The following PPP1R13B variants were observed in gnomAD, a reference collection of about 807,000 sequenced individuals.
The protein encoded by PPP1R13B is protein phosphatase 1 regulatory subunit 13B.
A neutral mutation model predicts 119.8 loss-of-function variants in PPP1R13B; 44 were observed. The ratio of observed to expected loss-of-function variants is 0.37; its 90% CI spans 0.29 to 0.47. The LOEUF is 0.47. PPP1R13B is among the 20% of genes least tolerant of loss of function. The pLI, the probability that PPP1R13B is intolerant of heterozygous loss-of-function variation, is 0.99. For missense variants in PPP1R13B, 1,227 were observed against 1,413.5 expected, an observed-to-expected ratio of 0.87 and a Z score of 2.12; for synonymous variants, 542 against 561.5, an observed-to-expected ratio of 0.97 and a Z score of 0.49.
intron 1 of PPP1R13B, among the ~76,000 whole-genome samples, chr14:103,831,538 T>C (rs1255656705): frequency 6.6e-6 from 1 of 150,590 alleles, no homozygotes; most frequent in African/African-American, 2.4e-5. Flanking sequence ...CTCTAACTCC[T>C]GACCTCAAGT....
intron 2 of PPP1R13B, among the ~76,000 whole-genome samples, chr14:103,796,359 T>C (rs576573940): frequency 2.6e-5 from 4 of 152,208 alleles, no homozygotes; most frequent in Admixed American, 1.3e-4. Flanking sequence ...ATGGCCAATA[T>C]ACACATGAAA....
chr14:103,804,103 T>C (rs1032081806), intron 1 of PPP1R13B: 2 of 977,008 alleles, frequency 2.0e-6, no homozygotes, highest in African/African-American at 3.5e-5. Flanking sequence ...TTTTTTTCAT[T>C]CAAAAAAGTT....
intron 6 of PPP1R13B, among the ~76,000 whole-genome samples, chr14:103,753,745 G>C (rs891593264): frequency 6.6e-5 from 10 of 152,150 alleles, no homozygotes; most frequent in African/African-American, 9.7e-5. Context: ...AGGGCCGCAA[G>C]AGATCTTTTT....
chr14:103,739,755 A>G (rs889135435), intron 12 of PPP1R13B, 69 bp downstream of exon 12: 1 of 1,479,262 alleles, frequency 6.8e-7, no homozygotes, highest in Non-Finnish European at 9.0e-7. Context: ...GACCAAGGGA[A>G]GGACCCCAGA....
At chr14:103,736,424 C>A in intron 15 of PPP1R13B, 1 of 595,884 alleles carries the variant, frequency 1.7e-6, no homozygotes, top group Non-Finnish European at 3.0e-6. Flanking sequence ...TTTCTAAGTC[C>A]TGCAGGACAG....
intron 7 of PPP1R13B, among the ~76,000 whole-genome samples, 178 bp downstream of exon 7, chr14:103,752,822 C>T (rs540536677): frequency 6.6e-6 from 1 of 152,216 alleles, no homozygotes; most frequent in East Asian, 1.9e-4. Context: ...CGTGAGCTAC[C>T]GCACCCGGCC....
chr14:103,776,851 G>A (rs1398994039), intron 4 of PPP1R13B, among the ~76,000 whole-genome samples: 2 of 148,862 alleles, frequency 1.3e-5, no homozygotes, highest in Non-Finnish European at 3.0e-5. Flanking sequence ...CAGCCTGGGC[G>A]ACAGAGTGAG....
intron 4 of PPP1R13B, among the ~76,000 whole-genome samples, chr14:103,761,700 T>C (rs1198682579): frequency 6.6e-6 from 1 of 151,028 alleles, no homozygotes; most frequent in Non-Finnish European, 1.5e-5. Context: ...GAGGCGGAAG[T>C]TGCAGTGAGC....
chr14:103,792,387 A>G (rs1477142001), intron 2 of PPP1R13B, among the ~76,000 whole-genome samples: 2 of 152,124 alleles, frequency 1.3e-5, no homozygotes, highest in Non-Finnish European at 2.9e-5. Flanking sequence ...CACATTGCCA[A>G]GGTTGGTCTC....
At chr14:103,832,961 G>A (rs1394824396) in intron 1 of PPP1R13B, among the ~76,000 whole-genome samples, 1 of 151,538 alleles carries the variant, frequency 6.6e-6, no homozygotes, top group Non-Finnish European at 1.5e-5. Context: ...CAGCCTAGGT[G>A]ACAGAGCGAG....
Position 103,741,991 on chromosome 14 carries a change from C to T in PPP1R13B, c.1621G>A (p.Gly541Arg). The T allele has an allele frequency of 6.2e-7, 1 of 1,614,268 alleles. No individual in the cohort carries two copies. The highest frequency in any genetic ancestry group is 8.5e-7 in the Non-Finnish European group (1 of 1,180,056). ...AGTGGGAGTTCAGGCTTGCTGTCCCCAGCTGGAAATGCAGGTGGTCCCGCT... is the reference window on the plus strand; with the variant it reads ...AGTGGGAGTTCAGGCTTGCTGTCCCTAGCTGGAAATGCAGGTGGTCCCGCT... ...PPAGPPAFPA[G>R]DSKPELPLTV... Residue 541 changes from glycine (G) to arginine (R), a missense_variant, in exon 11 of 17, where the codon GGG (glycine) becomes AGG (arginine). Gly to Arg is a moderately radical substitution (Grantham distance 125). Transcript: ENST00000202556.
intron 12 of PPP1R13B, 76 bp downstream of exon 12, chr14:103,739,748 C>G: frequency 6.8e-7 from 1 of 1,464,556 alleles, no homozygotes. Flanking sequence ...ACAGCCTGAC[C>G]AAGGGAAGGA....
intron 2 of PPP1R13B, among the ~76,000 whole-genome samples, chr14:103,795,766 A>C (rs1471801245): frequency 6.6e-6 from 1 of 152,214 alleles, no homozygotes; most frequent in African/African-American, 2.4e-5. Flanking sequence ...AGCTGTCATT[A>C]GGCTAACAAT....
chr14:103,738,239 AC>A lies in PPP1R13B; in HGVS notation c.2865-380del. 3.6e-6 allele frequency: 1 copy of A among 276,162 alleles called. No homozygotes were observed. 17.1% of individuals were successfully genotyped at this position (276,162 alleles called of 1,614,324 possible). ...GTCAGCTGTCTGAAAGTTCAAAATAACCCCCACAGGAGACCAACACGCCTCG... is the reference window on the plus strand; with the variant it reads ...GTCAGCTGTCTGAAAGTTCAAAATAACCCCACAGGAGACCAACACGCCTCG... On this transcript the variant is annotated intron_variant, in intron 14 of 16. Transcript: ENST00000202556. This position sits in a 1 kb window ranked among gnomAD's most constrained non-coding sequence, Gnocchi z 5.6.
chr14:103,772,735 C>T (rs561093387), intron 4 of PPP1R13B, among the ~76,000 whole-genome samples: 7 of 150,998 alleles, frequency 4.6e-5, no homozygotes, highest in Admixed American at 2.0e-4. Flanking sequence ...TGCAGTGGCG[C>T]GATCTCAGCT....
intron 1 of PPP1R13B, among the ~76,000 whole-genome samples, chr14:103,844,591 G>A (rs1044269074): frequency 1.3e-5 from 2 of 151,958 alleles, no homozygotes; most frequent in Admixed American, 1.3e-4. Context: ...TAGCCAGGCA[G>A]GATGGAGGGT....
At chr14:103,793,690 A>C (rs887398827) in intron 2 of PPP1R13B, among the ~76,000 whole-genome samples, 1 of 151,922 alleles carries the variant, frequency 6.6e-6, no homozygotes, top group Non-Finnish European at 1.5e-5. Context: ...GGAACTTTAA[A>C]TAAGGTTAAA....
chr14:103,745,639 G>A (rs1393489740), intron 9 of PPP1R13B, among the ~76,000 whole-genome samples: 1 of 152,200 alleles, frequency 6.6e-6, no homozygotes, highest in Non-Finnish European at 1.5e-5. Context: ...CCAAACCAAC[G>A]ATGTGTGGAC....
intron 1 of PPP1R13B, among the ~76,000 whole-genome samples, chr14:103,810,070 C>T (rs1276725513): frequency 2.0e-5 from 3 of 151,580 alleles, no homozygotes; most frequent in Non-Finnish European, 2.9e-5. Context: ...GTGATCTGCC[C>T]GCCTTGGCCT....
Sources: gnomAD v4.1 joint callset for allele counts (sites outside exome capture counted in the v4.1 genomes callset) on GRCh38, gnomAD v4.1.1 for gene constraint, Gnocchi (gnomAD v3.1) non-coding constraint, MANE v1.5 for transcripts, NCBI Gene and HGNC (gene_info 2026-07-23, HGNC 2026-07-21) for gene names.